ARHGAP12: variants seen among roughly 807,000 people sequenced by gnomAD.
ARHGAP12 encodes Rho GTPase activating protein 12, also known as rho GTPase-activating protein 12.
A neutral mutation model predicts 108.6 loss-of-function variants in ARHGAP12; 64 were observed. The ratio of observed to expected loss-of-function variants is 0.59; its 90% CI spans 0.48 to 0.73. The LOEUF (loss-of-function observed/expected upper bound fraction) is 0.73. Ranked by LOEUF, ARHGAP12 falls within the 30% of genes least tolerant of loss-of-function variation. The probability of loss-of-function intolerance (pLI) is 0.00; values close to 1 mark genes in which losing one functional copy is unlikely to be tolerated. For missense variants in ARHGAP12, 940 were observed against 1,005.9 expected, an observed-to-expected ratio of 0.93 and a Z score of 0.89; for synonymous variants, 312 against 337.2, an observed-to-expected ratio of 0.93 and a Z score of 0.82.
chr10:31,829,901 G>T (rs1053133524), intron 10 of ARHGAP12, among the ~76,000 whole-genome samples: 2 of 152,076 alleles, frequency 1.3e-5, no homozygotes, highest in Admixed American at 6.5e-5. Context: ...ACCTTTAGTT[G>T]TGAAAAGGAT....
intron 1 of ARHGAP12, among the ~76,000 whole-genome samples, chr10:31,922,166 G>T (rs1839846539): frequency 9.7e-6 from 1 of 103,440 alleles, no homozygotes. Flanking sequence ...GGGAGACAGA[G>T]CAAGACCCTG....
chr10:31,891,325 C>T (rs1390693657), intron 3 of ARHGAP12, among the ~76,000 whole-genome samples: 1 of 152,162 alleles, frequency 6.6e-6, no homozygotes, highest in East Asian at 1.9e-4. Flanking sequence ...GATTTTATTT[C>T]TCCTTCACTT....
chr10:31,838,808 G>A (rs1360098586), intron 9 of ARHGAP12, among the ~76,000 whole-genome samples: 7 of 147,536 alleles, frequency 4.7e-5, no homozygotes, highest in Non-Finnish European at 1.5e-5. Context: ...TCCAGCCTGG[G>A]CAACAGAGTG....
At chr10:31,914,626 T>C (rs1839481540) in intron 1 of ARHGAP12, among the ~76,000 whole-genome samples, 1 of 152,058 alleles carries the variant, frequency 6.6e-6, no homozygotes, top group Non-Finnish European at 1.5e-5. Context: ...ATGGCTATTA[T>C]CAAAAAGGCA....
intron 12 of ARHGAP12, among the ~76,000 whole-genome samples, chr10:31,818,843 T>C (rs1835305999): frequency 6.6e-6 from 1 of 152,182 alleles, no homozygotes. Context: ...AAATATACAC[T>C]GCTTCCCAAA....
At chr10:31,875,728 G>C (rs118076480) in intron 3 of ARHGAP12, among the ~76,000 whole-genome samples, 2,236 of 152,196 alleles carry the variant, frequency 0.015, 25 homozygotes, top group Non-Finnish European at 0.023. Flanking sequence ...CATGTGTACA[G>C]GTCGGTCACA....
chr10:31,821,978 T>C (rs1208666829), intron 11 of ARHGAP12, among the ~76,000 whole-genome samples: 2 of 152,064 alleles, frequency 1.3e-5, no homozygotes, highest in East Asian at 1.9e-4. Flanking sequence ...TTTATTGTCA[T>C]CATACACGCT....
chr10:31,859,890 G>T (rs1837051484), intron 4 of ARHGAP12, among the ~76,000 whole-genome samples: 1 of 151,722 alleles, frequency 6.6e-6, no homozygotes, highest in Admixed American at 6.6e-5. Flanking sequence ...CACCTCCCGG[G>T]TTCAAGCGAT....
rs148788407 is a variant in ARHGAP12 at position 31,820,641 on chromosome 10, A to G, written c.1531-153T>C. ...ATTATAAAGTAACAATTTCTACTTTAAAATTGAAAAATATCTAGAATATAT... is the reference window on the plus strand; with the variant it reads ...ATTATAAAGTAACAATTTCTACTTTGAAATTGAAAAATATCTAGAATATAT... On this transcript the variant is annotated intron_variant, in intron 11 of 19. Transcript: ENST00000344936. 9.6e-3 allele frequency among the ~76,000 whole-genome samples: 1,459 copies of G among 151,326 alleles called. 19 individuals carry two copies. The highest frequency in any genetic ancestry group is 0.033 in the African/African-American group (1,373 of 41,404).
At chr10:31,851,652 G>C (rs1836683399) in intron 6 of ARHGAP12, among the ~76,000 whole-genome samples, 1 of 152,106 alleles carries the variant, frequency 6.6e-6, no homozygotes, top group African/African-American at 2.4e-5. Flanking sequence ...AGGCCAGATA[G>C]CATTCACATA....
intron 13 of ARHGAP12, among the ~76,000 whole-genome samples, chr10:31,815,669 A>G (rs111776182): frequency 3.7e-4 from 56 of 152,314 alleles, no homozygotes; most frequent in African/African-American, 1.2e-3. Flanking sequence ...GAAGAAAATT[A>G]TATCTTTACA....
chr10:31,902,595 G>A (rs925862614), intron 3 of ARHGAP12, among the ~76,000 whole-genome samples: 6 of 149,802 alleles, frequency 4.0e-5, no homozygotes, highest in Non-Finnish European at 9.0e-5. Flanking sequence ...CACTTAAGCT[G>A]AGTGGTTCAA....
intron 3 of ARHGAP12, among the ~76,000 whole-genome samples, chr10:31,886,063 T>C (rs1838176948): frequency 6.6e-6 from 1 of 152,166 alleles, no homozygotes; most frequent in Non-Finnish European, 1.5e-5. Context: ...GTGATAAAAT[T>C]ATTTGAGTAG....
chr10:31,855,642 C>T (rs1836859576), intron 4 of ARHGAP12, among the ~76,000 whole-genome samples: 1 of 152,102 alleles, frequency 6.6e-6, no homozygotes, highest in Non-Finnish European at 1.5e-5. Context: ...ATTGAGGCAA[C>T]TTAAAATGCA....
chr10:31,865,269 G>C (rs1488810960), intron 3 of ARHGAP12, among the ~76,000 whole-genome samples: 30 of 152,128 alleles, frequency 2.0e-4, no homozygotes, highest in Non-Finnish European at 2.9e-5. Context: ...TGGTACAGTA[G>C]TACAGACAGA....
chr10:31,911,124 A>G (rs1839326573), intron 1 of ARHGAP12, among the ~76,000 whole-genome samples: 1 of 152,114 alleles, frequency 6.6e-6, no homozygotes. Flanking sequence ...CCCAGGTTGA[A>G]GCAATTCTCC....
chr10:31,813,503 T>TA (rs1363702137), intron 14 of ARHGAP12, among the ~76,000 whole-genome samples: 1 of 152,108 alleles, frequency 6.6e-6, no homozygotes, highest in South Asian at 2.1e-4. Flanking sequence ...TAATATAGAA[T>TA]AAAAAATAAT....
intron 1 of ARHGAP12, among the ~76,000 whole-genome samples, chr10:31,913,990 C>T (rs1057311610): frequency 3.9e-5 from 6 of 152,070 alleles, no homozygotes; most frequent in Admixed American, 1.3e-4. Context: ...GTGCACAGCA[C>T]AAATCAGTTA....
intron 3 of ARHGAP12, among the ~76,000 whole-genome samples, chr10:31,888,668 G>A (rs971119303): frequency 2.6e-5 from 4 of 152,126 alleles, no homozygotes; most frequent in African/African-American, 4.8e-5. Flanking sequence ...GTCTAAGCTA[G>A]TCATAGCTGG....
Sources: allele counts gnomAD v4.1 joint callset (sites outside exome capture counted in the v4.1 genomes callset), GRCh38; gene constraint gnomAD v4.1.1; transcripts MANE v1.5; gene names NCBI Gene and HGNC (gene_info 2026-07-23, HGNC 2026-07-21).